Variants in HDAC4 observed in about 807,000 individuals in gnomAD.
HDAC4 encodes histone deacetylase 4, also known as histone deacetylase A.
In HDAC4, 16 loss-of-function variants were observed where a neutral mutation model predicts 135.1. That is an observed-to-expected ratio of 0.12 (90% confidence interval 0.08 to 0.18). The LOEUF (loss-of-function observed/expected upper bound fraction) is 0.18. HDAC4 is among the 10% of genes least tolerant of loss of function. The pLI is 1.00. For synonymous variants in HDAC4, 685 were observed against 653.4 expected, an observed-to-expected ratio of 1.05 and a Z score of -0.74; for missense variants, 1,143 against 1,511.8, an observed-to-expected ratio of 0.76 and a Z score of 4.05.
At chr2:239,362,884 T>C (rs1179504282) in intron 1 of HDAC4, among the ~76,000 whole-genome samples, 2 of 152,190 alleles carry the variant, frequency 1.3e-5, no homozygotes, top group Non-Finnish European at 1.5e-5. Context: ...GATGATATAG[T>C]GTATACACAG....
intron 7 of HDAC4, among the ~76,000 whole-genome samples, chr2:239,150,653 G>C (rs2042063124): frequency 7.0e-6 from 1 of 143,796 alleles, no homozygotes; most frequent in African/African-American, 2.6e-5. Context: ...TACAGCAGCA[G>C]GAAGTCTCAC....
intron 3 of HDAC4, among the ~76,000 whole-genome samples, chr2:239,233,005 G>C (rs1001855684): frequency 4.6e-5 from 7 of 152,206 alleles, no homozygotes; most frequent in Non-Finnish European, 7.3e-5. Context: ...CTCCCAGGAA[G>C]GGGGAAGAGC....
At chr2:239,263,133 A>G (rs2049475634) in intron 2 of HDAC4, among the ~76,000 whole-genome samples, 1 of 152,188 alleles carries the variant, frequency 6.6e-6, no homozygotes. Flanking sequence ...GCTAGAAAAT[A>G]TGAAAAACAC....
At chr2:239,093,217 G>A (rs1056805380) in intron 17 of HDAC4, among the ~76,000 whole-genome samples, 4 of 152,210 alleles carry the variant, frequency 2.6e-5, no homozygotes, top group Non-Finnish European at 4.4e-5. Flanking sequence ...ATTTCCCAGC[G>A]CCGAGGAGTG....
chr2:239,163,654 T>C (rs986754950), intron 6 of HDAC4, 149 bp downstream of exon 6: 11 of 858,080 alleles, frequency 1.3e-5, no homozygotes, highest in Admixed American at 3.4e-5. Context: ...GTCACCCACA[T>C]CCGAGCACCA....
intron 2 of HDAC4, among the ~76,000 whole-genome samples, chr2:239,339,787 C>G (rs1419407766): frequency 6.6e-6 from 1 of 152,290 alleles, no homozygotes; most frequent in African/African-American, 2.4e-5. Context: ...AGGTAACTTC[C>G]AAAGAAATGG....
At chr2:239,382,107 C>G (rs1023083471) in intron 1 of HDAC4, among the ~76,000 whole-genome samples, 1 of 152,236 alleles carries the variant, frequency 6.6e-6, no homozygotes, top group South Asian at 2.1e-4. Flanking sequence ...GCACAATCAG[C>G]GACAGCACAG....
At chr2:239,195,971 C>T (rs983558471) in intron 3 of HDAC4, among the ~76,000 whole-genome samples, 11 of 152,168 alleles carry the variant, frequency 7.2e-5, no homozygotes, top group African/African-American at 1.9e-4. Context: ...CTTCTCAGGA[C>T]GCGATTTCAT....
At chr2:239,118,074 C>A (rs545276731) in intron 12 of HDAC4, among the ~76,000 whole-genome samples, 2 of 152,260 alleles carry the variant, frequency 1.3e-5, no homozygotes, top group Admixed American at 1.3e-4. Flanking sequence ...CGACACCGGT[C>A]CCCACGCAGC....
At chr2:239,273,612 C>G (rs2050175572) in intron 2 of HDAC4, among the ~76,000 whole-genome samples, 1 of 152,190 alleles carries the variant, frequency 6.6e-6, no homozygotes, top group African/African-American at 2.4e-5. Context: ...GCCCCCATGC[C>G]ACAGTCTTGC....
chr2:239,261,170 A>G (rs150851709), intron 2 of HDAC4, among the ~76,000 whole-genome samples: 126 of 152,312 alleles, frequency 8.3e-4, no homozygotes, highest in African/African-American at 2.9e-3. Context: ...GGTGTTAAAG[A>G]TAAGACTGAG....
intron 2 of HDAC4, among the ~76,000 whole-genome samples, chr2:239,268,563 G>T (rs954585373): frequency 6.6e-5 from 10 of 152,176 alleles, no homozygotes; most frequent in Non-Finnish European, 1.5e-4. Flanking sequence ...CAGTACAATC[G>T]GTTTGGTGCT....
chr2:239,363,548 A>C (rs1042237256), intron 1 of HDAC4, among the ~76,000 whole-genome samples: 1 of 152,244 alleles, frequency 6.6e-6, no homozygotes, highest in African/African-American at 2.4e-5. Flanking sequence ...ATGCTAAATG[A>C]ACCACAGCCC....
At chr2:239,122,881 A>G (rs997491918) in intron 12 of HDAC4, among the ~76,000 whole-genome samples, 1 of 152,224 alleles carries the variant, frequency 6.6e-6, no homozygotes, top group South Asian at 2.1e-4. Context: ...GCAGTGGGAC[A>G]GGAGGGTTCA....
chr2:239,219,556 C>T (rs2046835502), intron 3 of HDAC4, among the ~76,000 whole-genome samples: 1 of 151,920 alleles, frequency 6.6e-6, no homozygotes, highest in African/African-American at 2.4e-5. Flanking sequence ...CAGCATGGCA[C>T]ATGTATACAT....
At chr2:239,380,493 C>A (rs6712730) in intron 1 of HDAC4, among the ~76,000 whole-genome samples, 1 of 151,732 alleles carries the variant, frequency 6.6e-6, no homozygotes, top group Non-Finnish European at 1.5e-5. Flanking sequence ...TCACCACGGG[C>A]CTGACAGTAA....
chr2:239,251,212 T>C (rs2048767245), intron 2 of HDAC4, among the ~76,000 whole-genome samples: 1 of 152,248 alleles, frequency 6.6e-6, no homozygotes, highest in South Asian at 2.1e-4. Context: ...TAAAATGTTT[T>C]CAAACAAAAT....
intron 3 of HDAC4, among the ~76,000 whole-genome samples, chr2:239,195,184 G>T (rs533313138): frequency 6.6e-6 from 1 of 152,308 alleles, no homozygotes; most frequent in African/African-American, 2.4e-5. Context: ...TGTGGGGAAG[G>T]GATGTTCACA....
intron 12 of HDAC4, among the ~76,000 whole-genome samples, chr2:239,121,514 C>A (rs1169417062): frequency 6.6e-6 from 1 of 152,248 alleles, no homozygotes; most frequent in Non-Finnish European, 1.5e-5. Flanking sequence ...CCTTCCCCGG[C>A]TGGCTGCGGA....
Sources: allele counts gnomAD v4.1 joint callset (sites outside exome capture counted in the v4.1 genomes callset), GRCh38; gene constraint gnomAD v4.1.1; transcripts MANE v1.5; gene names NCBI Gene and HGNC (gene_info 2026-07-23, HGNC 2026-07-21).